URGCP: variants seen among roughly 807,000 people sequenced by gnomAD.
URGCP encodes the protein up-regulator of cell proliferation.
URGCP carries 13 observed loss-of-function variants against 24.6 expected under a neutral mutation model. That is an observed-to-expected ratio of 0.53 (90% CI 0.34 to 0.84). The LOEUF (loss-of-function observed/expected upper bound fraction) is 0.84, where lower values mean the gene tolerates loss of function less well. Among genes scored for constraint, URGCP ranks in the 40% least tolerant of loss-of-function variants. The pLI is 0.01. For synonymous variants in URGCP, 444 were observed against 487.2 expected (o/e 0.91, Z 1.17); for missense variants, 899 against 1,194.3 (o/e 0.75, Z 3.64).
At chr7:43,913,320 T>G (rs1164032375) in intron 1 of URGCP, among the ~76,000 whole-genome samples, 1 of 151,946 alleles carries the variant, frequency 6.6e-6, no homozygotes, top group Non-Finnish European at 1.5e-5. Context: ...ACCATTCTCC[T>G]GCCTCAGCCT....
chr7:43,886,318 T>C (rs1323707196), intron 3 of URGCP, among the ~76,000 whole-genome samples: 3 of 152,218 alleles, frequency 2.0e-5, no homozygotes, highest in Non-Finnish European at 4.4e-5. Context: ...CAAAACTTAT[T>C]TGCATATTTT....
At chr7:43,908,236 C>A (rs2132719787), upstream of URGCP, among the ~76,000 whole-genome samples, 1 of 152,266 alleles carries the variant, frequency 6.6e-6, no homozygotes, top group South Asian at 2.1e-4. Context: ...CACTACCACA[C>A]CTGGCTAATT....
At chr7:43,881,842 A>T in intron 4 of URGCP, 65 bp downstream of exon 4, 1 of 1,605,938 alleles carries the variant, frequency 6.2e-7, no homozygotes, top group East Asian at 2.2e-5. Context: ...AATCCCGGTT[A>T]TCTGTCACTT....
At chr7:43,881,785 T>G in intron 4 of URGCP, 88 bp from the exon 5 acceptor site, 1 of 1,609,284 alleles carries the variant, frequency 6.2e-7, no homozygotes, top group Non-Finnish European at 8.5e-7. Flanking sequence ...CCTAGAACCC[T>G]TCTTTCTCAC....
chr7:43,878,957 T>C lies in URGCP; in HGVS notation c.506A>G (p.Tyr169Cys), dbSNP rs2095849881. 6.2e-7 allele frequency: 1 copy of C among 1,614,052 alleles called. No homozygotes were observed. The highest frequency in any genetic ancestry group is 8.5e-7 in the Non-Finnish European group (1 of 1,180,038). ...DPADDLAADI[Y>C]SFSELPTPDT... ...AGGGGTGGGCAGCTCAGAAAAGGAA[T>C]AAATGTCGGCAGCAAGGTCATCAGC... The change falls in exon 6 of 6, where the codon TAT becomes TGT. Residue 169 changes from tyrosine (Y) to cysteine (C), a missense_variant. By Grantham distance (194) the Tyr-to-Cys change is radical (BLOSUM62 -2). Transcript: ENST00000453200. This position sits in a 1 kb window ranked among gnomAD's most constrained non-coding sequence, Gnocchi z 5.6.
At chr7:43,903,898 C>G (rs1197112706) in intron 1 of URGCP, among the ~76,000 whole-genome samples, 1 of 152,114 alleles carries the variant, frequency 6.6e-6, no homozygotes, top group Non-Finnish European at 1.5e-5. Flanking sequence ...CAAGGAAACC[C>G]CAACAGTGAA....
Position 43,876,831 on chromosome 7 carries a change from T to A in URGCP, c.2632A>T (p.Ile878Phe), listed in dbSNP as rs2095845217. The A allele has an allele frequency of 6.2e-7, 1 of 1,614,058 alleles. No individual in the cohort carries two copies. The highest frequency in any genetic ancestry group is 8.5e-7 in the Non-Finnish European group (1 of 1,180,036). The change falls in exon 6 of 6, where the codon ATC (isoleucine) becomes TTC (phenylalanine). Residue 878 changes from isoleucine (I) to phenylalanine (F), a missense_variant. Ile to Phe is a conservative substitution (Grantham distance 21, BLOSUM62 0). Coordinates refer to ENST00000453200, the MANE Select transcript of URGCP (RefSeq NM_001077663.3). The stretch of plus-strand genomic sequence containing the variant: ...GGTGCTCCGTGCCACAGGCCTGGGA[T>A]GTGCCAGATGTGCTGCTTCTCAGGG... ...CDPEKQHIWHIPGLWHGAPPM... is the reference protein window; with the variant it reads ...CDPEKQHIWHFPGLWHGAPPM...
intron 5 of URGCP, chr7:43,881,006 C>T (rs2095852929): frequency 1.7e-6 from 1 of 593,298 alleles, no homozygotes; most frequent in Non-Finnish European, 3.0e-6. Context: ...GACTGCCCCA[C>T]AGAACATTAG....
intron 1 of URGCP, among the ~76,000 whole-genome samples, chr7:43,896,734 C>A (rs570755465): frequency 6.6e-6 from 1 of 152,288 alleles, no homozygotes; most frequent in African/African-American, 2.4e-5. Flanking sequence ...AAAAACACTA[C>A]AAACACACAT....
At chr7:43,898,746 A>AAAATAAATAAAT (rs71563928) in intron 1 of URGCP, among the ~76,000 whole-genome samples, 22 of 143,882 alleles carry the variant, frequency 1.5e-4, no homozygotes, top group African/African-American at 2.1e-4. Context: ...CCCTGTCTCA[A>AAAATAAATAAAT]AAATAAATAA....
In URGCP at chr7:43,877,840, G is replaced by C; in HGVS notation, c.1623C>G (p.Gly541=). The C allele has an allele frequency of 6.2e-7, 1 of 1,610,810 alleles. No homozygotes were observed. Among genetic ancestry groups the C allele is most frequent in the Non-Finnish European group, 8.5e-7 (1 of 1,178,336 alleles). The stretch of plus-strand genomic sequence containing the variant: ...CCTGCACCCCCGAGGAGGGATCATG[G>C]CCGTTCTGCTGCATTCGAAGTTCTA... ...RLLELRMQQN[G]HDPSSGVQEF... The change falls in exon 6 of 6, where the codon GGC becomes GGG. Residue 541 remains glycine (G), a synonymous_variant. Transcript: ENST00000453200.
intron 1 of URGCP, among the ~76,000 whole-genome samples, chr7:43,904,063 C>T (rs959186797): frequency 2.6e-5 from 4 of 152,172 alleles, no homozygotes; most frequent in East Asian, 1.9e-4. Flanking sequence ...CCCTCTCTGC[C>T]GTCTCTATAC....
chr7:43,913,225 T>C (rs963030171), intron 1 of URGCP, among the ~76,000 whole-genome samples: 1 of 152,092 alleles, frequency 6.6e-6, no homozygotes, highest in Non-Finnish European at 1.5e-5. Flanking sequence ...TGTTTGTTTT[T>C]TGAGACGGAG....
intron 1 of URGCP, among the ~76,000 whole-genome samples, chr7:43,905,037 T>C (rs2095898459): frequency 6.6e-6 from 1 of 152,128 alleles, no homozygotes; most frequent in Non-Finnish European, 1.5e-5. Flanking sequence ...TGCAGACTCA[T>C]GGGGGTCACA....
chr7:43,905,083 A>G (rs2095898576), intron 1 of URGCP, among the ~76,000 whole-genome samples: 1 of 152,212 alleles, frequency 6.6e-6, no homozygotes, highest in Non-Finnish European at 1.5e-5. Flanking sequence ...AATGTCACCA[A>G]CTACAGGGAC....
chr7:43,913,919 G>C (rs1203506337), intron 1 of URGCP, among the ~76,000 whole-genome samples: 3 of 152,066 alleles, frequency 2.0e-5, no homozygotes, highest in Non-Finnish European at 4.4e-5. Flanking sequence ...GGCTGGTCTT[G>C]AACTCCTACC....
rs1210802398 is a variant in URGCP, at chr7:43,877,227, C to T, written c.2236G>A (p.Asp746Asn). 1 of 1,614,144 alleles carries T rather than the reference C, an allele frequency of 6.2e-7. No individual in the cohort carries two copies. The highest frequency in any genetic ancestry group is 2.2e-5 in the East Asian group (1 of 44,882). ...CCGGAGTCTATCACCAGGATGTGGT[C>T]ACAGCCCAGGTCCTGGCTGAAGCCC... The part of the protein sequence containing the change: ...AEGFSQDLGC[D>N]HILVIDSGGL... The change falls in exon 6 of 6, where the codon GAC becomes AAC. Residue 746 changes from aspartate (D) to asparagine (N), a missense_variant. Physicochemically the swap from Asp to Asn is conservative, Grantham distance 23. Transcript: ENST00000453200.
In URGCP at chr7:43,918,983, T is replaced by C. The variant is rs2095918925; in HGVS notation, c.-116+7149A>G. On this transcript the variant is annotated intron_variant, in intron 1 of 5. Coordinates refer to the URGCP transcript ENST00000426198. ...CAGAGAACATCTACCTGTCGGAGCA[T>C]GGGGGAAGAGCTGGCAACAACTGGG... The C allele has an allele frequency of 5.4e-6, 7 of 1,292,354 alleles. No homozygotes were observed. In the Admixed American group the frequency reaches 8.4e-5, roughly 16 times the overall value. The allele number at this position is 1,292,354 out of a possible 1,614,324, so 80.1% of individuals were successfully genotyped here. A position where few individuals can be genotyped will look rare whatever the true frequency, so the allele number is the denominator to read the frequency against.
intron 1 of URGCP, among the ~76,000 whole-genome samples, chr7:43,917,267 A>G (rs2095916579): frequency 6.6e-6 from 1 of 152,212 alleles, no homozygotes; most frequent in Non-Finnish European, 1.5e-5. Flanking sequence ...GTTTTAATTA[A>G]TAAAAAAGGA....
Sources: gnomAD v4.1 joint callset for allele counts (sites outside exome capture counted in the v4.1 genomes callset) on GRCh38, gnomAD v4.1.1 for gene constraint, Gnocchi (gnomAD v3.1) non-coding constraint, MANE v1.5 for transcripts, NCBI Gene and HGNC (gene_info 2026-07-23, HGNC 2026-07-21) for gene names.